Variants in MAGI2 observed in about 807,000 individuals in gnomAD.
The protein encoded by MAGI2 is membrane-associated guanylate kinase, WW and PDZ domain-containing protein 2.
In MAGI2, 35 loss-of-function variants were observed where a neutral mutation model predicts 133.3. The observed-to-expected ratio is 0.26, with a 90% CI of 0.20 to 0.35. MAGI2 has a LOEUF of 0.35. Among genes scored for constraint, MAGI2 ranks in the 10% least tolerant of loss-of-function variants. MAGI2 has a pLI of 1.00. For missense variants in MAGI2, 1,636 were observed against 1,863.4 expected, an observed-to-expected ratio of 0.88 and a Z score of 2.25; for synonymous variants, 729 against 710.6, an observed-to-expected ratio of 1.03 and a Z score of -0.41.
At chr7:78,521,136 A>C (rs964943480) in intron 4 of MAGI2, among the ~76,000 whole-genome samples, 2 of 152,090 alleles carry the variant, frequency 1.3e-5, no homozygotes, top group Non-Finnish European at 2.9e-5. Flanking sequence ...ATTGCTACTA[A>C]TATTATATAA....
At chr7:78,554,256 A>T (rs1162102113) in intron 3 of MAGI2, among the ~76,000 whole-genome samples, 1 of 152,182 alleles carries the variant, frequency 6.6e-6, no homozygotes, top group Non-Finnish European at 1.5e-5. Flanking sequence ...AGTGAGGGTT[A>T]ACAGTCACCA....
intron 9 of MAGI2, among the ~76,000 whole-genome samples, chr7:78,302,814 A>G (rs936978909): frequency 6.6e-6 from 1 of 152,122 alleles, no homozygotes; most frequent in African/African-American, 2.4e-5. Context: ...GTCTTCCCCA[A>G]TTCAGCTGAT....
chr7:79,127,652 C>T lies in MAGI2; in HGVS notation c.302-120446G>A, dbSNP rs1200869892. On this transcript the variant is annotated intron_variant, in intron 1 of 21. Coordinates refer to ENST00000354212, the MANE Select transcript of MAGI2 (RefSeq NM_012301.4). ...CCCACTTTTTGATGGGGTTGTTTGT[C>T]TTTTTCTTGTAAATTTGTTTGAGTT... is the stretch of plus-strand genomic sequence containing the variant. Among the ~76,000 whole-genome samples the T allele has an allele frequency of 6.6e-5, 10 of 151,976 alleles. 1 individual carries two copies. In the South Asian group the frequency reaches 2.1e-3, roughly 32 times the overall value.
chr7:78,740,905 C>T (rs1053785781), intron 2 of MAGI2, among the ~76,000 whole-genome samples: 2 of 152,090 alleles, frequency 1.3e-5, no homozygotes, highest in African/African-American at 4.8e-5. Context: ...GAATATTATT[C>T]TCAAGAACAG....
At chr7:78,274,648 G>C (rs982096113) in intron 9 of MAGI2, among the ~76,000 whole-genome samples, 1 of 152,076 alleles carries the variant, frequency 6.6e-6, no homozygotes, top group African/African-American at 2.4e-5. Context: ...CAGAGTTGAG[G>C]AGTCTAGAGA....
chr7:78,131,666 CT>C (rs1821576794), intron 18 of MAGI2, among the ~76,000 whole-genome samples: 1 of 152,188 alleles, frequency 6.6e-6, no homozygotes, highest in East Asian at 1.9e-4. Context: ...TCATCTTTCT[CT>C]TTAATGGCTG....
intron 6 of MAGI2, among the ~76,000 whole-genome samples, chr7:78,481,822 A>G (rs1286129126): frequency 6.6e-6 from 1 of 151,892 alleles, no homozygotes; most frequent in East Asian, 1.9e-4. Context: ...TAGAAAAAAC[A>G]TGAAAAAAAA....
At chr7:78,785,613 T>C (rs1239989730) in intron 2 of MAGI2, among the ~76,000 whole-genome samples, 2 of 152,202 alleles carry the variant, frequency 1.3e-5, no homozygotes, top group Non-Finnish European at 2.9e-5. Flanking sequence ...ACTCACATAA[T>C]TGCTTCTCTC....
At chr7:78,819,204 G>T (rs574134815) in intron 2 of MAGI2, among the ~76,000 whole-genome samples, 12 of 152,178 alleles carry the variant, frequency 7.9e-5, no homozygotes, top group African/African-American at 2.9e-4. Flanking sequence ...TATATAAAAT[G>T]ATCTCCTACA....
chr7:79,111,909 C>T (rs895348432), intron 1 of MAGI2, among the ~76,000 whole-genome samples: 3 of 151,086 alleles, frequency 2.0e-5, no homozygotes, highest in Admixed American at 2.0e-4. Flanking sequence ...CCTCGTGATC[C>T]GCCCCTCTCG....
At chr7:79,060,934 G>A (rs929874654) in intron 1 of MAGI2, among the ~76,000 whole-genome samples, 2 of 152,114 alleles carry the variant, frequency 1.3e-5, no homozygotes, top group East Asian at 3.9e-4. Flanking sequence ...AAAGCCAGTG[G>A]TGGCTCCAGA....
At chr7:78,890,785 A>G (rs1388224591) in intron 2 of MAGI2, among the ~76,000 whole-genome samples, 1 of 152,202 alleles carries the variant, frequency 6.6e-6, no homozygotes, top group African/African-American at 2.4e-5. Flanking sequence ...GGAAAGATCT[A>G]AAATTGACAC....
intron 1 of MAGI2, among the ~76,000 whole-genome samples, chr7:79,389,187 A>G (rs1288137998): frequency 6.6e-6 from 1 of 152,076 alleles, no homozygotes; most frequent in Non-Finnish European, 1.5e-5. Context: ...TAATTAATAA[A>G]TTAAGATAAT....
chr7:79,425,120 G>T (rs1036379814), intron 1 of MAGI2, among the ~76,000 whole-genome samples: 1 of 151,854 alleles, frequency 6.6e-6, no homozygotes, highest in Non-Finnish European at 1.5e-5. Flanking sequence ...GAGTGGTGGT[G>T]GGTGTCTGTA....
At chr7:78,472,455 C>T (rs1791309066) in intron 6 of MAGI2, among the ~76,000 whole-genome samples, 1 of 151,812 alleles carries the variant, frequency 6.6e-6, no homozygotes, top group African/African-American at 2.4e-5. Context: ...TCTGTTTTCC[C>T]CAAGGCAGTA....
At chr7:78,662,509 T>G (rs1043407051) in intron 2 of MAGI2, among the ~76,000 whole-genome samples, 1 of 152,240 alleles carries the variant, frequency 6.6e-6, no homozygotes, top group Non-Finnish European at 1.5e-5. Context: ...TTAATAACAC[T>G]TATGAATCTT....
chr7:78,781,564 G>C (rs1826404505), intron 2 of MAGI2, among the ~76,000 whole-genome samples: 1 of 151,956 alleles, frequency 6.6e-6, no homozygotes, highest in African/African-American at 2.4e-5. Flanking sequence ...GGAGAAAATG[G>C]GAACTAAATT....
intron 6 of MAGI2, among the ~76,000 whole-genome samples, chr7:78,478,400 G>A (rs1000792001): frequency 6.6e-6 from 1 of 151,870 alleles, no homozygotes; most frequent in African/African-American, 2.4e-5. Context: ...TTTAAACTCA[G>A]ATGACTTGGA....
chr7:78,902,599 A>G (rs991076031), intron 2 of MAGI2: 1 of 152,232 alleles, frequency 6.6e-6, no homozygotes, highest in Non-Finnish European at 1.5e-5. Context: ...TACAATTCAT[A>G]TCCACATGAG....
Sources: allele counts gnomAD v4.1 joint callset (sites outside exome capture counted in the v4.1 genomes callset), GRCh38; gene constraint gnomAD v4.1.1; transcripts MANE v1.5; gene names NCBI Gene and HGNC (gene_info 2026-07-23, HGNC 2026-07-21).